PTPRN: variants seen among roughly 807,000 people sequenced by gnomAD.
PTPRN encodes protein tyrosine phosphatase receptor type N, also known as receptor-type tyrosine-protein phosphatase-like N.
A neutral mutation model predicts 108.5 loss-of-function variants in PTPRN; 70 were observed. The observed-to-expected ratio is 0.65, with a 90% CI of 0.53 to 0.79. The LOEUF is 0.79. Among genes scored for constraint, PTPRN ranks in the 30% least tolerant of loss-of-function variants. The pLI is 0.00. For synonymous variants in PTPRN, 496 were observed against 524.6 expected (o/e 0.95, Z 0.75); for missense variants, 1,136 against 1,295.5 (o/e 0.88, Z 1.89).
At position 219,299,742 on chromosome 2, in the gene PTPRN, G is replaced by A. The variant is rs1359273538; in HGVS notation, c.1481C>T (p.Ala494Val). Residue 494 changes from alanine (A) to valine (V), a missense_variant, in exon 10 of 23, where the codon GCT becomes GTT. Physicochemically the swap from Ala to Val is moderately conservative, Grantham distance 64. Coordinates refer to ENST00000295718, the MANE Select transcript of PTPRN (RefSeq NM_002846.4). ...GCCTGAGGACATGTGCACATGCTCA[G>A]CCAGGATCTCCAGCAGCTTCACTCC... ...AAGVKLLEIL[A>V]EHVHMSSGSF... The A allele has an allele frequency of 1.2e-6, 2 of 1,610,112 alleles. No homozygotes were observed. The highest frequency in any genetic ancestry group is 1.7e-6 in the Non-Finnish European group (2 of 1,176,968).
Position 219,290,156 on chromosome 2 carries a change from G to T in PTPRN, c.*70C>A. 7.2e-7 allele frequency: 1 copy of T among 1,391,536 alleles called. No homozygotes were observed. Among genetic ancestry groups the T allele is most frequent in the Non-Finnish European group, 1.0e-6 (1 of 979,560 alleles). 86.2% of individuals were successfully genotyped at this position (1,391,536 alleles called of 1,614,324 possible). On this transcript the variant is annotated 3_prime_UTR_variant, in exon 23 of 23. Coordinates refer to ENST00000295718, the MANE Select transcript of PTPRN (RefSeq NM_002846.4). The surrounding 1 kb of genome is among the most constrained non-coding windows in gnomAD (Gnocchi z 4.2). Reference sequence around the variant, plus strand: ...GTGGCTGGTGGGGCAGTGAGGAGTGGGTACACAGAGATGCTCACACAGGCA... The same window carrying T: ...GTGGCTGGTGGGGCAGTGAGGAGTGTGTACACAGAGATGCTCACACAGGCA...
chr2:219,308,986 T>C, intron 1 of PTPRN: 1 of 1,515,630 alleles, frequency 6.6e-7, no homozygotes, highest in Non-Finnish European at 8.9e-7. Flanking sequence ...ACCTGCAATT[T>C]TCCCCAGAGC....
intron 2 of PTPRN, 67 bp from the exon 3 acceptor site, chr2:219,307,624 A>G (rs1206755028): frequency 1.3e-6 from 2 of 1,497,044 alleles, no homozygotes; most frequent in East Asian, 2.3e-5. Flanking sequence ...CAGGTTGCAA[A>G]TGGACTGTAC....
rs377554722 is a variant in PTPRN, at chr2:219,295,083, A to T, written c.2567T>A (p.Leu856Gln). Residue 856 changes from leucine to glutamine, a missense_variant, in exon 19 of 23, where the codon CTG (leucine) becomes CAG (glutamine). Physicochemically the swap from Leu to Gln is moderately radical, Grantham distance 113. Transcript: ENST00000295718. ...CGTCTCCTGGGTCTGCACGTTCTTC[A>T]GGTAGAAGCTCCGCACCAGAAAGTC... ...CEDFLVRSFY[L>Q]KNVQTQETRT... The T allele has an allele frequency of 6.2e-7, 1 of 1,613,468 alleles. No homozygotes were observed. Among genetic ancestry groups the T allele is most frequent in the Non-Finnish European group, 8.5e-7 (1 of 1,179,626 alleles).
In PTPRN at chr2:219,307,567, C is replaced by G; in HGVS notation, c.167-10G>C. The G allele has an allele frequency of 6.2e-7, 1 of 1,612,338 alleles. No homozygotes were observed. The highest frequency in any genetic ancestry group is 1.1e-5 in the South Asian group (1 of 90,918). On this transcript the variant is annotated splice_polypyrimidine_tract_variant and intron_variant, in intron 2 of 22. Coordinates refer to ENST00000295718, the MANE Select transcript of PTPRN (RefSeq NM_002846.4). Reference sequence around the variant, plus strand: ...TGCCCAAACAAGCCATCTAAGGGCACAAAAGTGGTGTCAGCAGGGGGCTTG... The same window carrying G: ...TGCCCAAACAAGCCATCTAAGGGCAGAAAAGTGGTGTCAGCAGGGGGCTTG...
Position 219,302,264 on chromosome 2 carries a change from G to C in PTPRN, c.867C>G (p.Ser289Arg). The change falls in exon 6 of 23, where the codon AGC (serine) becomes AGG (arginine). Residue 289 changes from serine (S) to arginine (R), a missense_variant. By Grantham distance (110) the Ser-to-Arg change is moderately radical (BLOSUM62 -1). Coordinates refer to ENST00000295718, the MANE Select transcript of PTPRN (RefSeq NM_002846.4). ...LYLAQELPAP[S>R]RARVPRLPEQ... ...CTGGCAGCCTTGGCACCCTGGCCCT[G>C]CTGGGTGCTGGCAACTCCTGGGCCA... The C allele has an allele frequency of 1.2e-6, 2 of 1,614,216 alleles. No homozygotes were observed. The highest frequency in any genetic ancestry group is 1.7e-6 in the Non-Finnish European group (2 of 1,180,024).
rs558499655 is a variant in PTPRN at position 219,308,759 on chromosome 2, T to C, written c.115+459A>G. The C allele has an allele frequency of 7.2e-5, 81 of 1,130,500 alleles. No homozygotes were observed. In the African/African-American group the frequency reaches 1.3e-3, roughly 18 times the overall value. The allele number at this position is 1,130,500 out of a possible 1,614,324, so 70.0% of individuals were successfully genotyped here. A position where few individuals can be genotyped will look rare whatever the true frequency, so the allele number is the denominator to read the frequency against. Reference sequence around the variant, plus strand: ...CTTCTCTAGGCTTACGGAGAAACCCTGGCCTCTCTCTCTGCCCAGCTGGGA... The same window carrying C: ...CTTCTCTAGGCTTACGGAGAAACCCCGGCCTCTCTCTCTGCCCAGCTGGGA... On this transcript the variant is annotated intron_variant, in intron 1 of 22. Coordinates refer to ENST00000295718, the MANE Select transcript of PTPRN (RefSeq NM_002846.4).
Position 219,296,971 on chromosome 2 carries a change from C to T in PTPRN, c.2236+14G>A, listed in dbSNP as rs753878442. 12 of 1,613,438 alleles carry T rather than the reference C, an allele frequency of 7.4e-6. No individual in the cohort carries two copies. The East Asian group carries it at 1.8e-4, about 24-fold the overall frequency. The stretch of plus-strand genomic sequence containing the variant: ...GAGAGGGCTGGGCCAGGTGGGCCAG[C>T]AGGGTTCACTCACAGGGCAGGAAGT... On this transcript the variant is annotated intron_variant, in intron 15 of 22. Coordinates refer to ENST00000295718, the MANE Select transcript of PTPRN (RefSeq NM_002846.4). This position sits in a 1 kb window ranked among gnomAD's most constrained non-coding sequence, Gnocchi z 6.0.
chr2:219,296,505 G>T lies in PTPRN; in HGVS notation c.2322C>A (p.Asp774Glu). The change falls in exon 17 of 23, where the codon GAC becomes GAA. Residue 774 changes from aspartate (D) to glutamate (E), a missense_variant. Physicochemically the swap from Asp to Glu is conservative, Grantham distance 45. Transcript: ENST00000295718. The surrounding 1 kb of genome is among the most constrained non-coding windows in gnomAD (Gnocchi z 6.0). Reference protein sequence around the residue: ...YINASPIIEHDPRMPAYIATQ... With the variant: ...YINASPIIEHEPRMPAYIATQ... Reference sequence around the variant, plus strand: ...TGGCTATGTAGGCTGGCATCCGAGGGTCATGCTCAATCTGGAGGCAGGGAA... The same window carrying T: ...TGGCTATGTAGGCTGGCATCCGAGGTTCATGCTCAATCTGGAGGCAGGGAA... 1 of 1,614,130 alleles carries T rather than the reference G, an allele frequency of 6.2e-7. No homozygotes were observed. The highest frequency in any genetic ancestry group is 8.5e-7 in the Non-Finnish European group (1 of 1,180,020).
At chr2:219,307,582 C>T (rs1229388207) in intron 2 of PTPRN, 25 bp from the exon 3 acceptor site, 1 of 1,603,814 alleles carries the variant, frequency 6.2e-7, no homozygotes, top group Non-Finnish European at 8.5e-7. Flanking sequence ...GTGGTGTCAG[C>T]AGGGGGCTTG....
chr2:219,291,802 A>G, intron 19 of PTPRN: 1 of 528,604 alleles, frequency 1.9e-6, no homozygotes, highest in Non-Finnish European at 3.4e-6. Context: ...TACCTGTAAA[A>G]TGGAGGATAG....
At chr2:219,303,924 C>T (rs1473008589) in intron 3 of PTPRN, 93 bp from the exon 4 acceptor site, 24 of 931,678 alleles carry the variant, frequency 2.6e-5, no homozygotes, top group Non-Finnish European at 3.8e-5. Context: ...CTCTGCCCTG[C>T]AGCTCATGGG....
chr2:219,294,957 G>C lies in PTPRN; in HGVS notation c.2675+18C>G, dbSNP rs773760803. On this transcript the variant is annotated intron_variant, in intron 19 of 22. Transcript: ENST00000295718. The stretch of plus-strand genomic sequence containing the variant: ...CCCCGCCCATGCGGTCCCTCCAGGC[G>C]GGGGCGCCCGCGCTCACCTGCGGAA... 6.7e-5 allele frequency: 103 copies of C among 1,536,174 alleles called. No homozygotes were observed. Among genetic ancestry groups the C allele is most frequent in the Middle Eastern group, 4.2e-4 (2 of 4,796 alleles).
chr2:219,291,275 CAT>C (rs1952047970), intron 20 of PTPRN, among the ~76,000 whole-genome samples, 193 bp downstream of exon 20: 1 of 152,206 alleles, frequency 6.6e-6, no homozygotes, highest in African/African-American at 2.4e-5. Flanking sequence ...GTTTGTATCA[CAT>C]ACTTTTCTTC....
rs1281272446 is a variant in PTPRN at position 219,299,715 on chromosome 2, CT to C, written c.1507del (p.Ser503AlafsTer28). The C allele has an allele frequency of 1.2e-6, 2 of 1,600,422 alleles. No individual in the cohort carries two copies. On this transcript the variant is annotated frameshift_variant, in exon 10 of 23. Transcript: ENST00000295718. LOFTEE classifies it high-confidence loss of function. The part of the protein sequence containing the change: ...LAEHVHMSSG[S>X]FINISVVGPA... ...CCAGCCCCACCTGATGTTGATGAAGCTGCCTGAGGACATGTGCACATGCTCA... is the reference window on the plus strand; with the variant it reads ...CCAGCCCCACCTGATGTTGATGAAGCGCCTGAGGACATGTGCACATGCTCA...
At chr2:219,298,623 T>C (rs1159834325) in intron 12 of PTPRN, among the ~76,000 whole-genome samples, 2 of 152,146 alleles carry the variant, frequency 1.3e-5, no homozygotes, top group East Asian at 3.9e-4. Flanking sequence ...GGCAGGAGAA[T>C]CGCTTGAACC....
intron 1 of PTPRN, chr2:219,308,469 A>T (rs1653841799): frequency 9.6e-6 from 2 of 207,384 alleles, no homozygotes; most frequent in Admixed American, 1.1e-4. Flanking sequence ...CGTCACAGGA[A>T]GTACTCTGCC....
Position 219,290,589 on chromosome 2 carries a change from A to C in PTPRN, c.2817T>G (p.Ala939=), listed in dbSNP as rs1440563291. 1 of 1,551,680 alleles carries C rather than the reference A, an allele frequency of 6.4e-7. No homozygotes were observed. Among genetic ancestry groups the C allele is most frequent in the Non-Finnish European group, 8.7e-7 (1 of 1,147,032 alleles). Residue 939 remains alanine (A), a synonymous_variant, in exon 22 of 23, where the codon GCT becomes GCG. Coordinates refer to ENST00000295718, the MANE Select transcript of PTPRN (RefSeq NM_002846.4). This position sits in a 1 kb window ranked among gnomAD's most constrained non-coding sequence, Gnocchi z 4.2. ...GGTCACGGACATGCTCCAGGGTGGCAGCGATGTCAATCTCCTTCACTCCTG... is the reference window on the plus strand; with the variant it reads ...GGTCACGGACATGCTCCAGGGTGGCCGCGATGTCAATCTCCTTCACTCCTG... ...MAKGVKEIDI[A]ATLEHVRDQR... is the part of the protein sequence containing the mutation.
At chr2:219,291,254 G>T (rs1386120240) in intron 20 of PTPRN, among the ~76,000 whole-genome samples, 2 of 152,104 alleles carry the variant, frequency 1.3e-5, no homozygotes, top group Non-Finnish European at 2.9e-5. Context: ...CAACTTTGTG[G>T]GCCACATACA....
Sources: gnomAD v4.1 joint callset for allele counts (sites outside exome capture counted in the v4.1 genomes callset) on GRCh38, gnomAD v4.1.1 for gene constraint, Gnocchi (gnomAD v3.1) non-coding constraint, MANE v1.5 for transcripts, NCBI Gene and HGNC (gene_info 2026-07-23, HGNC 2026-07-21) for gene names.